MYO9A: variants seen among roughly 807,000 people sequenced by gnomAD.
The protein encoded by MYO9A is unconventional myosin-IXa.
MYO9A carries 103 observed loss-of-function variants against 293.3 expected under a neutral mutation model. That is an observed-to-expected ratio of 0.35 (90% confidence interval 0.30 to 0.41). The LOEUF (loss-of-function observed/expected upper bound fraction) is 0.41, where lower values mean the gene tolerates loss of function less well. MYO9A is among the 10% of genes least tolerant of loss of function. MYO9A has a pLI of 1.00. For synonymous variants in MYO9A, 1,001 were observed against 1,035.7 expected (o/e 0.97, Z 0.64); for missense variants, 2,685 against 3,033.0 (o/e 0.89, Z 2.69).
intron 9 of MYO9A, among the ~76,000 whole-genome samples, chr15:71,997,629 TAAAC>T (rs1331550332): frequency 2.0e-5 from 3 of 149,740 alleles, no homozygotes; most frequent in African/African-American, 4.9e-5. Flanking sequence ...CAAACAAAAA[TAAAC>T]AAAAAAAAAG....
intron 11 of MYO9A, among the ~76,000 whole-genome samples, chr15:71,988,700 T>C (rs572962160): frequency 9.8e-5 from 15 of 152,340 alleles, no homozygotes; most frequent in South Asian, 8.3e-4. Context: ...CTAGCTGTTG[T>C]AGTCTTTCTG....
At chr15:71,893,126 C>T (rs993513807) in intron 26 of MYO9A, 12 of 1,290,022 alleles carry the variant, frequency 9.3e-6, no homozygotes, top group African/African-American at 1.5e-5. Context: ...GTCAAGAAAT[C>T]GGAGCGCGTC....
At chr15:72,085,204 C>T (rs1173939173) in intron 1 of MYO9A, among the ~76,000 whole-genome samples, 1 of 152,028 alleles carries the variant, frequency 6.6e-6, no homozygotes, top group African/African-American at 2.4e-5. Context: ...ACCAGCCTGG[C>T]CAACATGGTA....
At chr15:72,017,815 T>C (rs1171065550) in intron 6 of MYO9A, among the ~76,000 whole-genome samples, 1 of 152,146 alleles carries the variant, frequency 6.6e-6, no homozygotes, top group Non-Finnish European at 1.5e-5. Context: ...CATTAATTAA[T>C]AGACATAGGA....
chr15:72,109,341 G>T (rs1405676818), intron 1 of MYO9A, among the ~76,000 whole-genome samples: 4 of 150,064 alleles, frequency 2.7e-5, no homozygotes, highest in African/African-American at 4.9e-5. Flanking sequence ...AGTGAGCCAA[G>T]ATCATGCCAC....
At chr15:71,900,101 C>A (rs1227769771) in intron 23 of MYO9A, 95 bp from the exon 24 acceptor site, 10 of 1,237,470 alleles carry the variant, frequency 8.1e-6, no homozygotes, top group Non-Finnish European at 8.8e-6. Context: ...GTCATAATTA[C>A]AGGTTAAGTG....
chr15:72,004,750 T>G (rs1005378208), intron 8 of MYO9A, among the ~76,000 whole-genome samples: 1 of 152,148 alleles, frequency 6.6e-6, no homozygotes, highest in South Asian at 2.1e-4. Flanking sequence ...TCAATAATTT[T>G]CACAAGTATC....
At chr15:71,952,908 G>C (rs2059085293) in intron 14 of MYO9A, among the ~76,000 whole-genome samples, 1 of 152,086 alleles carries the variant, frequency 6.6e-6, no homozygotes, top group African/African-American at 2.4e-5. Context: ...AAAGAGGTTT[G>C]TAGGGCATAT....
At chr15:71,877,969 A>T in intron 31 of MYO9A, 71 bp downstream of exon 31, 1 of 1,331,702 alleles carries the variant, frequency 7.5e-7, no homozygotes, top group Admixed American at 2.6e-5. Context: ...CTCAAATACA[A>T]GATGTCCCAA....
At chr15:71,905,931 T>C (rs1270736958) in intron 19 of MYO9A, among the ~76,000 whole-genome samples, 3 of 152,098 alleles carry the variant, frequency 2.0e-5, no homozygotes, top group Admixed American at 1.3e-4. Flanking sequence ...TTATAGTTTA[T>C]CGAGGTAGAA....
chr15:71,898,617 C>T lies in MYO9A; in HGVS notation c.3886G>A (p.Gly1296Ser), dbSNP rs772877901. The change falls in exon 25 of 42, where the codon GGT (glycine) becomes AGT (serine). Residue 1296 changes from glycine to serine, a missense_variant. By Grantham distance (56) the Gly-to-Ser change is moderately conservative (BLOSUM62 0). Around this residue, in one of 10 missense-constraint regions of MYO9A, gnomAD observed 1,434 missense variants for 1,497.7 expected, o/e 0.96. Coordinates refer to ENST00000356056, the MANE Select transcript of MYO9A (RefSeq NM_006901.4). ...SLELLKVRSL[G>S]GISPSEDRRW... ...CGATCCTCTGAAGGAGAAATACCAC[C>T]AAGAGAACGAACTTTCAGCAATTCT... 2.5e-6 allele frequency: 4 copies of T among 1,613,986 alleles called. No homozygotes were observed. In the African/African-American group the frequency reaches 5.3e-5, roughly 22 times the overall value.
chr15:71,832,146 A>G (rs1224722346), intron 39 of MYO9A, among the ~76,000 whole-genome samples: 1 of 152,120 alleles, frequency 6.6e-6, no homozygotes, highest in Non-Finnish European at 1.5e-5. Context: ...GTGTGGTGGC[A>G]TGCGCCTGTA....
upstream of MYO9A, chr15:72,118,399 A>G (rs964720596): frequency 4.4e-5 from 7 of 157,696 alleles, no homozygotes; most frequent in Non-Finnish European, 8.3e-5. Context: ...TTGCGACCGT[A>G]GCTGTCGCTT....
At position 71,826,925 on chromosome 15, in the gene MYO9A, G is replaced by A. The variant is rs748930604; in HGVS notation, c.7302C>T (p.Ser2434=). Residue 2434 remains serine, a synonymous_variant, in exon 42 of 42, where the codon TCC becomes TCT. Transcript: ENST00000356056. The part of the protein sequence containing the change: ...DSLDVVDSSV[S]SLCLSNTASS... The stretch of plus-strand genomic sequence containing the variant: ...ATGCCGTGTTAGACAGACATAAAGA[G>A]GAGACCGAAGAGTCCACGACATCTA... 6.2e-7 allele frequency: 1 copy of A among 1,614,040 alleles called. No individual in the cohort carries two copies. Among genetic ancestry groups the A allele is most frequent in the South Asian group, 1.1e-5 (1 of 91,080 alleles).
At chr15:71,867,371 C>T (rs2056365334) in intron 32 of MYO9A, among the ~76,000 whole-genome samples, 1 of 151,930 alleles carries the variant, frequency 6.6e-6, no homozygotes, top group African/African-American at 2.4e-5. Context: ...AATTCAGAAG[C>T]TATGAAAAAA....
chr15:72,082,776 A>G (rs2079589357), intron 1 of MYO9A, among the ~76,000 whole-genome samples: 1 of 151,608 alleles, frequency 6.6e-6, no homozygotes, highest in Non-Finnish European at 1.5e-5. Flanking sequence ...TTCTGCATCT[A>G]TTGATATAAT....
At chr15:71,913,000 G>C (rs2057905680) in intron 19 of MYO9A, among the ~76,000 whole-genome samples, 1 of 150,254 alleles carries the variant, frequency 6.7e-6, no homozygotes, top group Non-Finnish European at 1.5e-5. Flanking sequence ...GAGATTCTTT[G>C]ATCTCCGTAG....
chr15:71,991,233 A>G lies in MYO9A; in HGVS notation c.1592T>C (p.Leu531Ser), dbSNP rs769717404. The change falls in exon 11 of 42, where the codon TTG (leucine) becomes TCG (serine). Residue 531 changes from leucine to serine, a missense_variant. Leu to Ser is a moderately radical substitution (Grantham distance 145). Around this residue, in one of 10 missense-constraint regions of MYO9A, gnomAD observed 201 missense variants for 245.2 expected, o/e 0.82. Transcript: ENST00000356056. ...AAAAATATCAAGAACACCAATAGAC[A>G]ATGTCTGTAAAACAAGAGAAAGTTT... Reference protein sequence around the residue: ...SKDLEHNTKTLSIGVLDIFGF... With the variant: ...SKDLEHNTKTSSIGVLDIFGF... 1.9e-6 allele frequency: 3 copies of G among 1,583,488 alleles called. No homozygotes were observed. Among genetic ancestry groups the G allele is most frequent in the Non-Finnish European group, 2.6e-6 (3 of 1,165,974 alleles).
At chr15:72,027,900 C>G (rs1030866147) in intron 3 of MYO9A, 107 bp from the exon 4 acceptor site, 4 of 821,942 alleles carry the variant, frequency 4.9e-6, no homozygotes, top group Non-Finnish European at 7.6e-6. Flanking sequence ...CAGATCATTT[C>G]AAAATATGCG....
Sources: allele counts gnomAD v4.1 joint callset (sites outside exome capture counted in the v4.1 genomes callset), GRCh38; gene constraint gnomAD v4.1.1; regional missense constraint gnomAD v4.1.1; transcripts MANE v1.5; gene names NCBI Gene and HGNC (gene_info 2026-07-23, HGNC 2026-07-21).